PIM2: variants seen among roughly 807,000 people sequenced by gnomAD.
The protein encoded by PIM2 is serine/threonine-protein kinase pim-2.
A neutral mutation model predicts 18.0 loss-of-function variants in PIM2; 3 were observed. The ratio of observed to expected loss-of-function variants is 0.17; its 90% CI spans 0.08 to 0.43. PIM2 has a LOEUF of 0.43. PIM2 is among the 20% of genes least tolerant of loss of function. The pLI is 0.99. For missense variants in PIM2, 181 were observed against 260.8 expected (o/e 0.69, Z 2.11); for synonymous variants, 117 against 105.3 (o/e 1.11, Z -0.68).
intron 3 of PIM2, among the ~76,000 whole-genome samples, chrX:48,916,437 C>A (rs922217843): frequency 8.9e-6 from 1 of 112,986 alleles, no homozygotes; most frequent in African/African-American, 3.2e-5. Flanking sequence ...TGTGGCCCTG[C>A]GCAGTGGCTC....
rs2063567920 is a variant in PIM2 at position 48,917,998 on chromosome X, T to C, written c.172-167A>G. On this transcript the variant is annotated intron_variant, in intron 2 of 5. Coordinates refer to ENST00000376509, the MANE Select transcript of PIM2 (RefSeq NM_006875.4). ...GCGTACCAGGGCGTCTCCCCTGCCC[T>C]CCAGGTCCTCGGAACCAAGTTTATC... is the stretch of plus-strand genomic sequence containing the variant. 3.6e-5 allele frequency among the ~76,000 whole-genome samples: 4 copies of C among 109,747 alleles called. No individual in the cohort carries two copies. The Admixed American group carries it at 3.9e-4, about 11-fold the overall frequency.
At position 48,918,526 on chromosome X, in the gene PIM2, T is replaced by A. The variant is rs2063569868; in HGVS notation, c.171+10A>T. The A allele has an allele frequency of 8.5e-7, 1 of 1,173,135 alleles. No homozygotes were observed. Among genetic ancestry groups the A allele is most frequent in the Admixed American group, 2.2e-5 (1 of 45,078 alleles). On this transcript the variant is annotated intron_variant, in intron 2 of 5. Coordinates refer to ENST00000376509, the MANE Select transcript of PIM2 (RefSeq NM_006875.4). ...GCACCTGACCCTCCCAAGACCCTCA[T>A]GACGGATACCTGGAGTCGATCTGTG...
chrX:48,917,151 T>A (rs2063565118), intron 3 of PIM2, among the ~76,000 whole-genome samples: 1 of 100,585 alleles, frequency 9.9e-6, no homozygotes, highest in South Asian at 5.5e-4. Context: ...GGAGACTGTG[T>A]CTCCAAAAAA....
At chrX:48,917,289 T>C (rs1299225267) in intron 3 of PIM2, among the ~76,000 whole-genome samples, 2 of 111,623 alleles carry the variant, frequency 1.8e-5, no homozygotes, top group Non-Finnish European at 3.8e-5. Context: ...GCTGCTGACT[T>C]GCACGGCAGC....
rs781980089 is a variant in PIM2 at position 48,918,893 on chromosome X, G to A, written c.-59C>T. On this transcript the variant is annotated 5_prime_UTR_variant, in exon 1 of 6. Coordinates refer to ENST00000376509, the MANE Select transcript of PIM2 (RefSeq NM_006875.4). ...CCCGCTAAGCCCGCAGGGCGTGGACGCCCGGGGCAGCGCAGCTGGGGAGCC... is the reference window on the plus strand; with the variant it reads ...CCCGCTAAGCCCGCAGGGCGTGGACACCCGGGGCAGCGCAGCTGGGGAGCC... 88 of 1,025,688 alleles carry A rather than the reference G, an allele frequency of 8.6e-5. No individual in the cohort carries two copies. In the African/African-American group the frequency reaches 1.5e-3, roughly 17 times the overall value. 84.5% of individuals were successfully genotyped at this position (1,025,688 alleles called of 1,213,427 possible). A position where few individuals can be genotyped will look rare whatever the true frequency, so the allele number is the denominator to read the frequency against.
chrX:48,913,655 A>T lies in PIM2; in HGVS notation c.*476T>A, dbSNP rs782418568. ...TGAGGCAGGTAAGCAGCTTGACCCA[A>T]TATGGGACCCTAGGCTAGGGGAAAG... On this transcript the variant is annotated 3_prime_UTR_variant, in exon 6 of 6. Transcript: ENST00000376509. 9.1e-6 allele frequency: 1 copy of T among 109,981 alleles called. No homozygotes were observed. The highest frequency in any genetic ancestry group is 4.0e-4 in the South Asian group (1 of 2,517). 9.1% of individuals were successfully genotyped at this position (109,981 alleles called of 1,213,427 possible). A position where few individuals can be genotyped will look rare whatever the true frequency, so the allele number is the denominator to read the frequency against.
Position 48,915,036 on chromosome X carries a change from G to C in PIM2, c.579C>G (p.Pro193=). Residue 193 remains proline, a synonymous_variant, in exon 4 of 6, where the codon CCC becomes CCG. Coordinates refer to ENST00000376509, the MANE Select transcript of PIM2 (RefSeq NM_006875.4). ...FGSGALLHDE[P]YTDFDGTRVY... ...AAGCCTTACCATCAAAGTCAGTGTA[G>C]GGTTCATCATGAAGCAGGGCACCAG... 1 of 1,205,677 alleles carries C rather than the reference G, an allele frequency of 8.3e-7. No homozygotes were observed. The highest frequency in any genetic ancestry group is 1.1e-6 in the Non-Finnish European group (1 of 890,970).
At position 48,914,115 on chromosome X, in the gene PIM2, C is replaced by G; in HGVS notation, c.*16G>C. 9.5e-7 allele frequency: 1 copy of G among 1,048,846 alleles called. No individual in the cohort carries two copies. The highest frequency in any genetic ancestry group is 1.3e-6 in the Non-Finnish European group (1 of 787,674). The allele number at this position is 1,048,846 out of a possible 1,213,427, so 86.4% of individuals were successfully genotyped here. On this transcript the variant is annotated 3_prime_UTR_variant, in exon 6 of 6. Transcript: ENST00000376509. ...GCTCTTCTGACCATTGGGGGCCAGG[C>G]CAGGCCAGGCCAGGCTTAGGGTAGC...
At chrX:48,915,513 G>T in intron 3 of PIM2, 121 bp from the exon 4 acceptor site, 1 of 670,924 alleles carries the variant, frequency 1.5e-6, no homozygotes, top group Non-Finnish European at 2.2e-6. Context: ...GTGTCGCTAA[G>T]CAACTCACTT....
Position 48,918,526 on chromosome X carries a change from T to C in PIM2, c.171+10A>G, listed in dbSNP as rs2063569868. ...GCACCTGACCCTCCCAAGACCCTCA[T>C]GACGGATACCTGGAGTCGATCTGTG... On this transcript the variant is annotated intron_variant, in intron 2 of 5. Transcript: ENST00000376509. The C allele has an allele frequency of 2.5e-6, 3 of 1,176,723 alleles. No homozygotes were observed. The highest frequency in any genetic ancestry group is 3.5e-6 in the Non-Finnish European group (3 of 866,340).
At position 48,913,318 on chromosome X, in the gene PIM2, A is replaced by C. The variant is rs1275145131; in HGVS notation, c.*813T>G. The C allele has an allele frequency of 9.0e-6, 1 of 110,730 alleles. No homozygotes were observed. The highest frequency in any genetic ancestry group is 1.9e-5 in the Non-Finnish European group (1 of 52,846). 9.1% of individuals were successfully genotyped at this position (110,730 alleles called of 1,213,427 possible). ...TGATTATTTACATTTTAGTAATTGG[A>C]CAATCCCGGCTCAGGAGGAGGTTGC... On this transcript the variant is annotated 3_prime_UTR_variant, in exon 6 of 6. Coordinates refer to ENST00000376509, the MANE Select transcript of PIM2 (RefSeq NM_006875.4).
Position 48,917,644 on chromosome X carries a change from C to T in PIM2, c.222+137G>A, listed in dbSNP as rs1223873053. The T allele has an allele frequency of 6.0e-6, 3 of 498,516 alleles. No individual in the cohort carries two copies. The South Asian group carries it at 8.7e-5, about 14-fold the overall frequency. 41.1% of individuals were successfully genotyped at this position (498,516 alleles called of 1,213,427 possible). On this transcript the variant is annotated intron_variant, in intron 3 of 5. Transcript: ENST00000376509. ...GGGGTGAATCAGAACTGTATGTCAC[C>T]CCAAGGGAGTATAAATGGGCTGGCA...
chrX:48,918,829 C>T lies in PIM2; in HGVS notation c.6G>A (p.Leu2=). M[L]TKPLQGPPAP... is the part of the protein sequence containing the mutation. ...CGGGAGGCCCCTGTAGAGGCTTGGT[C>T]AACATGGAGGTGGCGCTGCGCAGAT... is the stretch of plus-strand genomic sequence containing the variant. The change falls in exon 1 of 6, where the codon TTG becomes TTA. Residue 2 remains leucine, a synonymous_variant. Coordinates refer to ENST00000376509, the MANE Select transcript of PIM2 (RefSeq NM_006875.4). 2 of 1,195,705 alleles carry T rather than the reference C, an allele frequency of 1.7e-6. No individual in the cohort carries two copies. The highest frequency in any genetic ancestry group is 3.6e-5 in the South Asian group (2 of 54,977).
intron 2 of PIM2, 112 bp downstream of exon 2, chrX:48,918,424 T>G: frequency 1.9e-6 from 1 of 513,421 alleles, no homozygotes; most frequent in Non-Finnish European, 3.2e-6. Context: ...CACACACACC[T>G]GGTCCTCTAC....
intron 3 of PIM2, among the ~76,000 whole-genome samples, chrX:48,917,494 T>G (rs782279742): frequency 4.4e-5 from 5 of 113,260 alleles, no homozygotes; most frequent in Non-Finnish European, 7.5e-5. Context: ...ACCATCACCA[T>G]GGCAACCAGT....
At chrX:48,918,224 T>A (rs1365395704) in intron 2 of PIM2, among the ~76,000 whole-genome samples, 2 of 103,869 alleles carry the variant, frequency 1.9e-5, no homozygotes, top group African/African-American at 3.6e-5. Context: ...AAATCTCACA[T>A]CTAGGTCCCT....
At chrX:48,917,279 G>A (rs1376018143) in intron 3 of PIM2, among the ~76,000 whole-genome samples, 1 of 111,927 alleles carries the variant, frequency 8.9e-6, no homozygotes, top group East Asian at 2.8e-4. Context: ...TCCTGGCCAG[G>A]CTGCTGACTT....
rs1557044853 is a variant in PIM2, at chrX:48,913,745, G to C, written c.*386C>G. On this transcript the variant is annotated 3_prime_UTR_variant, in exon 6 of 6. Transcript: ENST00000376509. ...GGAAAGCACCCTTGCCCAAGTAAGA[G>C]CATATGAACTAAGTTTGTGTGGTGG... 1 of 132,146 alleles carries C rather than the reference G, an allele frequency of 7.6e-6. No homozygotes were observed. Among genetic ancestry groups the C allele is most frequent in the Non-Finnish European group, 1.5e-5 (1 of 66,879 alleles). 10.9% of individuals were successfully genotyped at this position (132,146 alleles called of 1,213,427 possible). A position where few individuals can be genotyped will look rare whatever the true frequency, so the allele number is the denominator to read the frequency against.
chrX:48,918,976 A>G lies in PIM2; in HGVS notation c.-142T>C. 3 of 490,811 alleles carry G rather than the reference A, an allele frequency of 6.1e-6. No homozygotes were observed. Among genetic ancestry groups the G allele is most frequent in the African/African-American group, 2.5e-5 (1 of 40,153 alleles). 40.4% of individuals were successfully genotyped at this position (490,811 alleles called of 1,213,427 possible). ...AAACTGGTGGCCCGGAAGCGCCCGC[A>G]GACGGCGCAGCGTTGAGATTCGCCG... On this transcript the variant is annotated 5_prime_UTR_variant, in exon 1 of 6. Coordinates refer to ENST00000376509, the MANE Select transcript of PIM2 (RefSeq NM_006875.4).
Sources: gnomAD v4.1 joint callset for allele counts (sites outside exome capture counted in the v4.1 genomes callset) on GRCh38, gnomAD v4.1.1 for gene constraint, MANE v1.5 for transcripts, NCBI Gene and HGNC (gene_info 2026-07-23, HGNC 2026-07-21) for gene names.